The following MAST1 variants were observed in gnomAD, a reference collection of about 807,000 sequenced individuals.
The protein encoded by MAST1 is microtubule associated serine/threonine kinase 1, also known as microtubule-associated serine/threonine-protein kinase 1.
MAST1 carries 40 observed loss-of-function variants against 124.6 expected under a neutral mutation model. The ratio of observed to expected loss-of-function variants is 0.32; its 90% CI spans 0.25 to 0.42. The LOEUF is 0.42. Ranked by LOEUF, MAST1 falls within the 10% of genes least tolerant of loss-of-function variation. The pLI, the probability that MAST1 is intolerant of heterozygous loss-of-function variation, is 1.00. For synonymous variants in MAST1, 938 were observed against 939.4 expected (o/e 1.00, Z 0.03); for missense variants, 1,558 against 2,181.9 (o/e 0.71, Z 5.70).
chr19:12,867,881 C>T lies in MAST1; in HGVS notation c.2470C>T (p.Arg824Trp), dbSNP rs1395117918. 5 of 1,604,000 alleles carry T rather than the reference C, an allele frequency of 3.1e-6. No individual in the cohort carries two copies. Among genetic ancestry groups the T allele is most frequent in the Non-Finnish European group, 4.3e-6 (5 of 1,175,934 alleles). ...EDEARLRRPP[R>W]PSSDPAGSLD... ...TGAGGCCCGGCTGCGCAGGCCTCCC[C>T]GGCCCAGCTCCGACCCCGCGGGATC... Residue 824 changes from arginine (R) to tryptophan (W), a missense_variant, in exon 20 of 26, where the codon CGG becomes TGG. This residue lies in a region of MAST1 where 287 missense variants were observed against 308.0 expected (regional missense o/e 0.93). Transcript: ENST00000251472.
chr19:12,850,355 A>G (rs146942758), intron 7 of MAST1, among the ~76,000 whole-genome samples: 6 of 152,168 alleles, frequency 3.9e-5, no homozygotes, highest in Non-Finnish European at 7.3e-5. Flanking sequence ...CTGTCTCTAC[A>G]GTAAAACAAG....
intron 12 of MAST1, among the ~76,000 whole-genome samples, chr19:12,859,802 G>A (rs539831059): frequency 2.1e-4 from 31 of 148,620 alleles, no homozygotes; most frequent in Admixed American, 6.0e-4. Flanking sequence ...TCCAGCCCTG[G>A]CAACTGAGCA....
rs10425760 is a variant in MAST1 at position 12,847,267 on chromosome 19, C to T, written c.328-23C>T. 4.2e-4 allele frequency: 666 copies of T among 1,579,856 alleles called. 1 individual carries two copies. In the African/African-American group the frequency reaches 8.2e-3, roughly 19 times the overall value. ...TTGGGGGGCCCATGGTGGCTCTGAC[C>T]CCGGCCCTGCCCCTGTCCCCAGTCC... On this transcript the variant is annotated intron_variant, in intron 4 of 25. Coordinates refer to ENST00000251472, the MANE Select transcript of MAST1 (RefSeq NM_014975.3). The surrounding 1 kb of genome is among the most constrained non-coding windows in gnomAD (Gnocchi z 5.5).
chr19:12,848,613 C>CGA (rs1295962471), intron 7 of MAST1: 1 of 151,676 alleles, frequency 6.6e-6, no homozygotes, highest in Non-Finnish European at 1.5e-5. Context: ...GGCGACAGAG[C>CGA]GAGACTCCGT....
At position 12,866,562 on chromosome 19, in the gene MAST1, A is replaced by T. The variant is rs1970156645; in HGVS notation, c.2030-91A>T. 1.2e-6 allele frequency: 1 copy of T among 822,578 alleles called. No homozygotes were observed. The highest frequency in any genetic ancestry group is 1.7e-5 in the African/African-American group (1 of 59,194). 51.0% of individuals were successfully genotyped at this position (822,578 alleles called of 1,614,324 possible). A position where few individuals can be genotyped will look rare whatever the true frequency, so the allele number is the denominator to read the frequency against. On this transcript the variant is annotated intron_variant, in intron 17 of 25. Transcript: ENST00000251472. The surrounding 1 kb of genome is among the most constrained non-coding windows in gnomAD (Gnocchi z 5.2). ...GCGTGGCCTGACCTGAAGACTTGTA[A>T]ACCCGTCTTGAACCAGGACTGGGCT...
intron 12 of MAST1, among the ~76,000 whole-genome samples, chr19:12,859,387 TTTTA>T (rs1319336083): frequency 6.6e-6 from 1 of 152,078 alleles, no homozygotes; most frequent in African/African-American, 2.4e-5. Context: ...GCCTATTTTA[TTTTA>T]TTTATTTATT....
chr19:12,852,518 T>C (rs1969975260), intron 10 of MAST1, 123 bp downstream of exon 10: 2 of 904,010 alleles, frequency 2.2e-6, no homozygotes, highest in Non-Finnish European at 3.5e-6. Context: ...AGCCTCAGTT[T>C]TCCCATCCAT....
At chr19:12,840,410 GC>G in intron 1 of MAST1, 35 bp from the exon 2 acceptor site, 1 of 1,427,150 alleles carries the variant, frequency 7.0e-7, no homozygotes, top group South Asian at 1.2e-5. Flanking sequence ...CTGGGCTGCG[GC>G]CCGGCCCGGC....
At position 12,856,630 on chromosome 19, in the gene MAST1, C is replaced by T. The variant is rs543871283; in HGVS notation, c.1078-1732C>T. ...TTTGCCACATTTTTTTGCACATAAACGTACAATACATATTGCCTATTGCAT... is the reference window on the plus strand; with the variant it reads ...TTTGCCACATTTTTTTGCACATAAATGTACAATACATATTGCCTATTGCAT... On this transcript the variant is annotated intron_variant, in intron 10 of 25. Transcript: ENST00000251472. Among the ~76,000 whole-genome samples the T allele has an allele frequency of 3.5e-3, 527 of 152,202 alleles. 3 individuals are homozygous for T. The highest frequency in any genetic ancestry group is 0.012 in the African/African-American group (505 of 41,532).
In MAST1 at chr19:12,865,052, T is replaced by G; in HGVS notation, c.1512T>G (p.Leu504=). The change falls in exon 14 of 26, where the codon CTT becomes CTG. Residue 504 remains leucine (L), a synonymous_variant. Transcript: ENST00000251472. This position sits in a 1 kb window ranked among gnomAD's most constrained non-coding sequence, Gnocchi z 7.1. ...VHRDLKPDNL[L]ITSMGHIKLT... is the part of the protein sequence containing the mutation. ...TCCCCACCTGTGCCTACAGCCTCCT[T>G]ATCACCTCCATGGGTCACATCAAGC... is the stretch of plus-strand genomic sequence containing the variant. The G allele has an allele frequency of 6.2e-7, 1 of 1,614,060 alleles. No homozygotes were observed. Among genetic ancestry groups the G allele is most frequent in the South Asian group, 1.1e-5 (1 of 91,084 alleles).
rs34988246 is a variant in MAST1 at position 12,868,103 on chromosome 19, A to ATTTTTTTTTTTTTTTTTTTTTTTT, written c.2566+149_2566+150insTTTTTTTTTTTTTTTTTTTTTTTT. ...GGTCCTATTCACATTGCAATTTGGG[A>ATTTTTTTTTTTTTTTTTTTTTTTT]TTTTTTTTTTTTTTTTTTTTTTTGA... On this transcript the variant is annotated intron_variant, in intron 20 of 25. Coordinates refer to ENST00000251472, the MANE Select transcript of MAST1 (RefSeq NM_014975.3). The ATTTTTTTTTTTTTTTTTTTTTTTT allele has an allele frequency of 1.5e-4, 48 of 322,282 alleles. 5 individuals are homozygous for ATTTTTTTTTTTTTTTTTTTTTTTT. The highest frequency in any genetic ancestry group is 6.7e-4 in the African/African-American group (16 of 23,804). The allele number at this position is 322,282 out of a possible 1,614,324, so 20.0% of individuals were successfully genotyped here.
Position 12,838,833 on chromosome 19 carries a change from G to T in MAST1, c.83+178G>T, listed in dbSNP as rs1467619661. Among the ~76,000 whole-genome samples, 1 of 151,826 alleles carries T rather than the reference G, an allele frequency of 6.6e-6. No homozygotes were observed. ...TGGGGGGTGGTGTGGGCCGAGTCTGGGGGGCTTGCACGCTGGAGAGGACGG... is the reference window on the plus strand; with the variant it reads ...TGGGGGGTGGTGTGGGCCGAGTCTGTGGGGCTTGCACGCTGGAGAGGACGG... On this transcript the variant is annotated intron_variant, in intron 1 of 25. Coordinates refer to ENST00000251472, the MANE Select transcript of MAST1 (RefSeq NM_014975.3). This position sits in a 1 kb window ranked among gnomAD's most constrained non-coding sequence, Gnocchi z 4.3.
At position 12,847,769 on chromosome 19, in the gene MAST1, GC is replaced by G. The variant is rs761672809; in HGVS notation, c.565-77del. On this transcript the variant is annotated intron_variant, in intron 6 of 25. Transcript: ENST00000251472. This position sits in a 1 kb window ranked among gnomAD's most constrained non-coding sequence, Gnocchi z 5.5. ...CCTTATCCCCGCGCGCCCCCTGGCG[GC>G]CTCGGTGCGCAGCGCAGGCTCCTGG... 115 of 1,581,840 alleles carry G rather than the reference GC, an allele frequency of 7.3e-5. No individual in the cohort carries two copies. The highest frequency in any genetic ancestry group is 9.6e-5 in the Non-Finnish European group (112 of 1,160,790).
At chr19:12,869,584 C>T (rs943336345) in intron 22 of MAST1, among the ~76,000 whole-genome samples, 5 of 152,066 alleles carry the variant, frequency 3.3e-5, no homozygotes, top group Non-Finnish European at 5.9e-5. Flanking sequence ...CAGACAGGCG[C>T]GCGCCACCAC....
intron 10 of MAST1, among the ~76,000 whole-genome samples, chr19:12,856,544 A>T (rs1970019817): frequency 6.6e-6 from 1 of 152,110 alleles, no homozygotes; most frequent in African/African-American, 2.4e-5. Context: ...CCTTCAGGTG[A>T]TCCACTTGCC....
chr19:12,863,308 G>A (rs1970109304), intron 12 of MAST1, among the ~76,000 whole-genome samples: 1 of 152,036 alleles, frequency 6.6e-6, no homozygotes, highest in Admixed American at 6.6e-5. Flanking sequence ...AGAGAAGGGG[G>A]CCAAATCAGT....
chr19:12,874,578 CCCGGGG>C lies in MAST1; in HGVS notation c.4427_4432del (p.Gly1476_Arg1477del), dbSNP rs1568416981. 1 of 1,508,696 alleles carries C rather than the reference CCCGGGG, an allele frequency of 6.6e-7. No homozygotes were observed. Among genetic ancestry groups the C allele is most frequent in the African/African-American group, 1.4e-5 (1 of 71,856 alleles). The allele number at this position is 1,508,696 out of a possible 1,614,324, so 93.5% of individuals were successfully genotyped here. A position where few individuals can be genotyped will look rare whatever the true frequency, so the allele number is the denominator to read the frequency against. ...CTGGCGCCTTCCGTGCCCGAGGCCC[CCCGGGG>C]CCGGGAGCGCTGGGTGTTGGAGGTG... On this transcript the variant is annotated inframe_deletion, in exon 26 of 26. Transcript: ENST00000251472. This position sits in a 1 kb window ranked among gnomAD's most constrained non-coding sequence, Gnocchi z 6.6.
In MAST1 at chr19:12,867,470, A is replaced by G. The variant is rs1239793318; in HGVS notation, c.2140-4A>G. On this transcript the variant is annotated splice_polypyrimidine_tract_variant and splice_region_variant and intron_variant, in intron 18 of 25. Transcript: ENST00000251472. ...CTGGACTTGCCTCCCACCACCACCT[A>G]CAGGTGTATAGCAGCATGGAGCAGC... The G allele has an allele frequency of 1.2e-6, 2 of 1,612,902 alleles. No individual in the cohort carries two copies. The highest frequency in any genetic ancestry group is 1.3e-5 in the African/African-American group (1 of 74,990).
intron 12 of MAST1, 58 bp from the exon 13 acceptor site, chr19:12,864,751 G>A: frequency 6.9e-6 from 11 of 1,603,552 alleles, no homozygotes; most frequent in Non-Finnish European, 9.4e-6. Flanking sequence ...GTGCTATGGT[G>A]CATGTCCAGA....
Sources: gnomAD v4.1 joint callset for allele counts (sites outside exome capture counted in the v4.1 genomes callset) on GRCh38, gnomAD v4.1.1 for gene constraint, gnomAD v4.1.1 regional missense constraint, Gnocchi (gnomAD v3.1) non-coding constraint, MANE v1.5 for transcripts, NCBI Gene and HGNC (gene_info 2026-07-23, HGNC 2026-07-21) for gene names.